Variants in PHYKPL observed in about 807,000 individuals in gnomAD.
The protein encoded by PHYKPL is 5-phosphonooxy-L-lysine phospho-lyase.
In PHYKPL, 42 loss-of-function variants were observed where a neutral mutation model predicts 51.3. The ratio of observed to expected loss-of-function variants is 0.82; its 90% CI spans 0.64 to 1.06. The LOEUF (loss-of-function observed/expected upper bound fraction) is 1.06, where lower values mean the gene tolerates loss of function less well. Ranked by LOEUF, PHYKPL falls within the 50% of genes least tolerant of loss-of-function variation. The probability of loss-of-function intolerance (pLI) is 0.00; values close to 1 mark genes in which losing one functional copy is unlikely to be tolerated. For synonymous variants in PHYKPL, 264 were observed against 236.0 expected, an observed-to-expected ratio of 1.12 and a Z score of -1.09; for missense variants, 655 against 586.6, an observed-to-expected ratio of 1.12 and a Z score of -1.20.
At chr5:178,223,569 T>C (rs1484058337) in intron 6 of PHYKPL, 2 of 439,754 alleles carry the variant, frequency 4.5e-6, no homozygotes, top group African/African-American at 2.0e-5. Flanking sequence ...CCCCCACACC[T>C]GTTGCAATCA....
intron 12 of PHYKPL, chr5:178,209,532 T>A: frequency 5.1e-6 from 6 of 1,176,722 alleles, no homozygotes; most frequent in Non-Finnish European, 7.6e-6. Context: ...CCTCTGGTGC[T>A]GTGCAGCAGG....
At chr5:178,227,347 C>T (rs1762501944) in intron 3 of PHYKPL, among the ~76,000 whole-genome samples, 2 of 152,208 alleles carry the variant, frequency 1.3e-5, no homozygotes, top group Non-Finnish European at 2.9e-5. Flanking sequence ...GGACTTCCAG[C>T]CTCCAGGACT....
chr5:178,209,390 G>T, intron 12 of PHYKPL: 1 of 1,614,206 alleles, frequency 6.2e-7, no homozygotes, highest in South Asian at 1.1e-5. Context: ...TGGCTCTGGG[G>T]GCCGTGGAAA....
chr5:178,232,464 C>CCCGCCG, intron 1 of PHYKPL, 28 bp downstream of exon 1: 3 of 1,358,814 alleles, frequency 2.2e-6, no homozygotes, highest in Non-Finnish European at 2.8e-6. Flanking sequence ...GCCCCGCGCC[C>CCCGCCG]CCCGCCGCCC....
At chr5:178,223,219 T>C (rs1322309681) in intron 6 of PHYKPL, 2 of 427,740 alleles carry the variant, frequency 4.7e-6, no homozygotes, top group Non-Finnish European at 8.9e-6. Context: ...TCCCCCATTT[T>C]TGATCCACGC....
chr5:178,230,185 C>T (rs780240846), intron 2 of PHYKPL, 86 bp from the exon 3 acceptor site: 2 of 1,530,756 alleles, frequency 1.3e-6, no homozygotes, highest in Admixed American at 1.7e-5. Context: ...ATAAACCCAG[C>T]CAGAAGAGAT....
chr5:178,214,673 T>G, intron 10 of PHYKPL, 123 bp downstream of exon 10: 1 of 857,014 alleles, frequency 1.2e-6, no homozygotes, highest in East Asian at 2.6e-5. Context: ...CCAGCCCTCT[T>G]TCAATCAAGT....
Position 178,214,878 on chromosome 5 carries a change from C to T in PHYKPL, c.1090G>A (p.Gly364Arg), listed in dbSNP as rs2113749471. 1 of 1,613,544 alleles carries T rather than the reference C, an allele frequency of 6.2e-7. No individual in the cohort carries two copies. Among genetic ancestry groups the T allele is most frequent in the Non-Finnish European group, 8.5e-7 (1 of 1,179,980 alleles). ...ATCAGATCCACACCAATGAAGAGCC[C>T]AACACCCCTGCAAGGGAAGGTGACG... The part of the protein sequence containing the change: ...HPIVGDVRGV[G>R]LFIGVDLIKD... The change falls in exon 10 of 13, where the codon GGG becomes AGG. Residue 364 changes from glycine (G) to arginine (R), a missense_variant. Physicochemically the swap from Gly to Arg is moderately radical, Grantham distance 125. Coordinates refer to ENST00000308158, the MANE Select transcript of PHYKPL (RefSeq NM_153373.4).
At chr5:178,211,245 G>C (rs944262072) in intron 12 of PHYKPL, 3 of 153,254 alleles carry the variant, frequency 2.0e-5, no homozygotes, top group African/African-American at 7.3e-5. Context: ...AGGTGCCCTG[G>C]ACTTGGGGCT....
chr5:178,210,393 G>A (rs1757859440), intron 12 of PHYKPL: 1 of 1,567,828 alleles, frequency 6.4e-7, no homozygotes, highest in Non-Finnish European at 8.7e-7. Flanking sequence ...AGCCATGGGA[G>A]CTACTTGATT....
chr5:178,210,151 T>C (rs758278147), intron 12 of PHYKPL: 8 of 1,613,982 alleles, frequency 5.0e-6, no homozygotes, highest in Non-Finnish European at 6.8e-6. Flanking sequence ...AGAGTTGGAA[T>C]CAGGGCTACG....
At position 178,231,460 on chromosome 5, in the gene PHYKPL, G is replaced by A; in HGVS notation, c.123C>T (p.Tyr41=). 1.2e-6 allele frequency: 2 copies of A among 1,614,178 alleles called. No homozygotes were observed. The highest frequency in any genetic ancestry group is 1.3e-5 in the African/African-American group (1 of 75,030). ...ATTCTGCCCCCTGTTCATCGTACAT[G>A]TACTGCCCTTGGGCCCGGACAATCT... ...PVKIVRAQGQ[Y]MYDEQGAEYI... Residue 41 remains tyrosine (Y), a synonymous_variant, in exon 2 of 13, where the codon TAC becomes TAT. Coordinates refer to ENST00000308158, the MANE Select transcript of PHYKPL (RefSeq NM_153373.4).
At chr5:178,223,761 C>T (rs1359075358) in intron 6 of PHYKPL, 4 of 318,544 alleles carry the variant, frequency 1.3e-5, no homozygotes, top group South Asian at 2.5e-5. Context: ...CCTCACCTGT[C>T]GCCAACAGTC....
intron 6 of PHYKPL, among the ~76,000 whole-genome samples, chr5:178,224,139 G>C (rs1761782397): frequency 6.6e-6 from 1 of 152,152 alleles, no homozygotes; most frequent in South Asian, 2.1e-4. Flanking sequence ...GCCACCCAGT[G>C]GGATGCCCTT....
chr5:178,214,151 G>A (rs756113328), intron 10 of PHYKPL, among the ~76,000 whole-genome samples: 3 of 152,158 alleles, frequency 2.0e-5, no homozygotes, highest in Admixed American at 6.5e-5. Flanking sequence ...ATAAGGACAC[G>A]TCAAATACCA....
At chr5:178,211,992 T>C in intron 11 of PHYKPL, 22 bp from the exon 12 acceptor site, 1 of 1,614,050 alleles carries the variant, frequency 6.2e-7, no homozygotes, top group Non-Finnish European at 8.5e-7. Context: ...CACAAAGCAA[T>C]GCCGACTCAG....
chr5:178,212,973 C>T lies in PHYKPL; in HGVS notation c.1303G>A (p.Asp435Asn). 1 of 1,614,018 alleles carries T rather than the reference C, an allele frequency of 6.2e-7. No homozygotes were observed. The highest frequency in any genetic ancestry group is 8.5e-7 in the Non-Finnish European group (1 of 1,179,952). Residue 435 changes from aspartate (D) to asparagine (N), a missense_variant and splice_region_variant, in exon 11 of 13, where the codon GAC (aspartate) becomes AAC (asparagine). Transcript: ENST00000308158. ...VVAKLDAILT[D>N]MEEKVRSCET... ...GGCCAAGCTCAGGCTTCAAGCTCACCAGTCAGAATGGCATCCAGCTTTGCC... is the reference window on the plus strand; with the variant it reads ...GGCCAAGCTCAGGCTTCAAGCTCACTAGTCAGAATGGCATCCAGCTTTGCC...
At position 178,232,090 on chromosome 5, in the gene PHYKPL, T is replaced by C. The variant is rs1763583947; in HGVS notation, c.59+402A>G. ...TCCCTTGTCTGCCCTTTCAGCCCCCTCCCAGGTCACTCTCGAGCCAGGCCC... is the reference window on the plus strand; with the variant it reads ...TCCCTTGTCTGCCCTTTCAGCCCCCCCCCAGGTCACTCTCGAGCCAGGCCC... On this transcript the variant is annotated intron_variant, in intron 1 of 12. Transcript: ENST00000308158. 5 of 1,186,346 alleles carry C rather than the reference T, an allele frequency of 4.2e-6. No homozygotes were observed. In the South Asian group the frequency reaches 6.6e-5, roughly 16 times the overall value. 73.5% of individuals were successfully genotyped at this position (1,186,346 alleles called of 1,614,324 possible). A position where few individuals can be genotyped will look rare whatever the true frequency, so the allele number is the denominator to read the frequency against.
chr5:178,222,873 C>T lies in PHYKPL; in HGVS notation c.680G>A (p.Gly227Asp). ...TCACTCTGCCACTTGGGAGAAGTAG[C>T]CAGCAGGGGGAATGATCTGCCCTCC... ...SVGGQIIPPAGYFSQVAEHIR... is the reference protein window; with the variant it reads ...SVGGQIIPPADYFSQVAEHIR... Residue 227 changes from glycine (G) to aspartate (D), a missense_variant, in exon 7 of 13, where the codon GGC (glycine) becomes GAC (aspartate). Transcript: ENST00000308158. 1 of 1,614,128 alleles carries T rather than the reference C, an allele frequency of 6.2e-7. No individual in the cohort carries two copies. The highest frequency in any genetic ancestry group is 8.5e-7 in the Non-Finnish European group (1 of 1,180,020).
Sources: gnomAD v4.1 joint callset for allele counts (sites outside exome capture counted in the v4.1 genomes callset) on GRCh38, gnomAD v4.1.1 for gene constraint, MANE v1.5 for transcripts, NCBI Gene and HGNC (gene_info 2026-07-23, HGNC 2026-07-21) for gene names.